STK4: variants seen among roughly 807,000 people sequenced by gnomAD.
STK4 encodes the protein serine/threonine kinase 4.
STK4 carries 30 observed loss-of-function variants against 64.9 expected under a neutral mutation model. The observed-to-expected ratio is 0.46, with a 90% CI of 0.35 to 0.63. The LOEUF (loss-of-function observed/expected upper bound fraction) is 0.63, where lower values mean the gene tolerates loss of function less well. Among genes scored for constraint, STK4 ranks in the 20% least tolerant of loss-of-function variants. STK4 has a pLI of 0.01. For synonymous variants in STK4, 177 were observed against 199.0 expected, an observed-to-expected ratio of 0.89 and a Z score of 0.93; for missense variants, 466 against 598.5, an observed-to-expected ratio of 0.78 and a Z score of 2.31.
chr20:45,054,190 TTCTC>T (rs1978315023), intron 10 of STK4, among the ~76,000 whole-genome samples: 1 of 152,180 alleles, frequency 6.6e-6, no homozygotes, highest in Non-Finnish European at 1.5e-5. Flanking sequence ...CCGTGCTTCA[TTCTC>T]TCTCTGTTTA....
intron 2 of STK4, among the ~76,000 whole-genome samples, chr20:44,976,977 G>T (rs1008452908): frequency 6.6e-6 from 1 of 152,200 alleles, no homozygotes; most frequent in Non-Finnish European, 1.5e-5. Flanking sequence ...CCTTTCAGCA[G>T]AATTATCTTC....
intron 6 of STK4, 21 bp downstream of exon 6, chr20:44,995,278 C>A: frequency 1.3e-6 from 2 of 1,599,288 alleles, no homozygotes; most frequent in South Asian, 2.3e-5. Context: ...GGACAGAAAG[C>A]CAGTGGGGTG....
chr20:44,977,347 T>C (rs2145642596), intron 2 of STK4, among the ~76,000 whole-genome samples: 1 of 152,352 alleles, frequency 6.6e-6, no homozygotes, highest in East Asian at 1.9e-4. Context: ...AGTTAGAGTA[T>C]TGTACTTTGA....
At chr20:45,044,657 A>C (rs1295662677) in intron 10 of STK4, among the ~76,000 whole-genome samples, 1 of 152,188 alleles carries the variant, frequency 6.6e-6, no homozygotes, top group African/African-American at 2.4e-5. Context: ...CGTGTCTCAA[A>C]AAAAAGAAAA....
At chr20:45,051,768 G>T (rs1177105125) in intron 10 of STK4, among the ~76,000 whole-genome samples, 1 of 152,282 alleles carries the variant, frequency 6.6e-6, no homozygotes, top group Admixed American at 6.5e-5. Context: ...TTATGTTTAG[G>T]TCAGGCTTGC....
intron 9 of STK4, among the ~76,000 whole-genome samples, chr20:45,016,237 C>T (rs147722113): frequency 7.2e-5 from 11 of 152,258 alleles, no homozygotes; most frequent in South Asian, 4.1e-4. Flanking sequence ...TACAAGGTGA[C>T]GGATTTTTAA....
At chr20:44,996,803 G>A (rs929463291) in intron 6 of STK4, among the ~76,000 whole-genome samples, 1 of 152,074 alleles carries the variant, frequency 6.6e-6, no homozygotes. Flanking sequence ...CTTTTAAGAG[G>A]CAGGGAAACT....
chr20:45,043,959 A>G (rs1810997149), intron 10 of STK4, among the ~76,000 whole-genome samples: 1 of 152,188 alleles, frequency 6.6e-6, no homozygotes, highest in South Asian at 2.1e-4. Flanking sequence ...AATCAGAGAT[A>G]CATTCCCAAA....
intron 10 of STK4, among the ~76,000 whole-genome samples, chr20:45,027,225 T>A (rs1184515731): frequency 6.6e-6 from 1 of 152,072 alleles, no homozygotes; most frequent in African/African-American, 2.4e-5. Flanking sequence ...GGTCAGGAGT[T>A]CGAGGCTAGC....
chr20:45,042,690 C>T (rs549813396), intron 10 of STK4, among the ~76,000 whole-genome samples: 6 of 152,146 alleles, frequency 3.9e-5, no homozygotes, highest in African/African-American at 1.2e-4. Context: ...GCTGATATTA[C>T]TGAGATTTCT....
chr20:44,985,878 T>G (rs1432971504), intron 4 of STK4, among the ~76,000 whole-genome samples: 1 of 152,122 alleles, frequency 6.6e-6, no homozygotes, highest in East Asian at 1.9e-4. Flanking sequence ...ATCCTACAGT[T>G]TTTGCACCAG....
At chr20:44,991,809 C>T (rs2067639718) in intron 5 of STK4, among the ~76,000 whole-genome samples, 2 of 151,972 alleles carry the variant, frequency 1.3e-5, no homozygotes, top group Admixed American at 6.6e-5. Context: ...ACTACAGACG[C>T]ACACCACCAC....
chr20:45,051,858 A>G (rs986580566), intron 10 of STK4, among the ~76,000 whole-genome samples: 2 of 152,190 alleles, frequency 1.3e-5, no homozygotes, highest in African/African-American at 2.4e-5. Flanking sequence ...GTTAGGGCTC[A>G]TAGCCTATCT....
intron 10 of STK4, among the ~76,000 whole-genome samples, chr20:45,030,107 CTT>C (rs34694436): frequency 4.3e-5 from 6 of 140,418 alleles, no homozygotes; most frequent in Admixed American, 7.1e-5. Flanking sequence ...CTCACAGTTG[CTT>C]TTTTTTTTTT....
Position 45,022,612 on chromosome 20 carries a change from G to A in STK4, c.1148-2361G>A, listed in dbSNP as rs1023767584. ...TGGTTTAGAATTAGACCACAGAAAT[G>A]TTATCTTTAGTGTTTCATCATCCTT... On this transcript the variant is annotated intron_variant, in intron 9 of 10. Transcript: ENST00000372806. Among the ~76,000 whole-genome samples, 24 of 152,106 alleles carry A rather than the reference G, an allele frequency of 1.6e-4. 1 individual carries two copies. The highest frequency in any genetic ancestry group is 3.2e-4 in the Non-Finnish European group (22 of 68,004).
chr20:44,987,403 T>TA (rs1169365848), intron 5 of STK4, 107 bp downstream of exon 5: 4 of 1,123,950 alleles, frequency 3.6e-6, no homozygotes, highest in Non-Finnish European at 3.7e-6. Context: ...ATTGTATTAG[T>TA]AAAAAATCAC....
chr20:45,018,958 G>T lies in STK4; in HGVS notation c.1148-6015G>T, dbSNP rs560103336. Among the ~76,000 whole-genome samples the T allele has an allele frequency of 4.0e-4, 61 of 152,110 alleles. 2 individuals carry two copies. Among genetic ancestry groups the T allele is most frequent in the African/African-American group, 1.2e-3 (51 of 41,512 alleles). On this transcript the variant is annotated intron_variant, in intron 9 of 10. Transcript: ENST00000372806. ...TGTTGCTCAGGCTAGTCTCGAACTC[G>T]TGGCCTCAAGCCATCCTCCTGCCTT...
rs2067754985 is a variant in STK4, at chr20:44,997,428, A to G, written c.831+122A>G. 3 of 1,268,274 alleles carry G rather than the reference A, an allele frequency of 2.4e-6. No homozygotes were observed. In the East Asian group the frequency reaches 7.7e-5, roughly 33 times the overall value. 78.6% of individuals were successfully genotyped at this position (1,268,274 alleles called of 1,614,324 possible). On this transcript the variant is annotated intron_variant, in intron 7 of 10. Transcript: ENST00000372806. ...TAAGGCAGGCTGGGTGCAGTGGCTC[A>G]CGCCTGTAATCGTAGCACTTTGGGA...
chr20:45,037,587 G>T (rs1311601155), intron 10 of STK4, among the ~76,000 whole-genome samples: 2 of 152,212 alleles, frequency 1.3e-5, no homozygotes, highest in East Asian at 3.9e-4. Context: ...GAATTCCCTG[G>T]ATAGTTATAA....
Sources: allele counts gnomAD v4.1 joint callset (sites outside exome capture counted in the v4.1 genomes callset), GRCh38; gene constraint gnomAD v4.1.1; transcripts MANE v1.5; gene names NCBI Gene and HGNC (gene_info 2026-07-23, HGNC 2026-07-21).